The following PLA2G10 variants were observed in gnomAD, a reference collection of about 807,000 sequenced individuals.
PLA2G10 encodes group 10 secretory phospholipase A2.
PLA2G10 carries 9 observed loss-of-function variants against 7.9 expected under a neutral mutation model. The ratio of observed to expected loss-of-function variants is 1.14; its 90% CI spans 0.68 to 1.98. The LOEUF is 1.98. Ranked by LOEUF, PLA2G10 falls within the 30% of genes most tolerant of loss-of-function variation. PLA2G10 has a pLI of 0.00. For synonymous variants in PLA2G10, 19 were observed against 27.5 expected (o/e 0.69, Z 0.97); for missense variants, 53 against 65.4 (o/e 0.81, Z 0.66).
rs569696689 is a variant in PLA2G10, at chr16:14,678,936, C to G, written c.356-6187G>C. Among the ~76,000 whole-genome samples, 5 of 152,172 alleles carry G rather than the reference C, an allele frequency of 3.3e-5. No homozygotes were observed. The South Asian group carries it at 1.0e-3, about 32-fold the overall frequency. ...CTGGGGGACTCTGCTCCAGCCTCAC[C>G]GAACTCCTTGTGATCCTCAGACCAC... is the stretch of plus-strand genomic sequence containing the variant. On this transcript the variant is annotated intron_variant, in intron 3 of 3. Coordinates refer to ENST00000438167, the MANE Select transcript of PLA2G10 (RefSeq NM_003561.3).
intron 3 of PLA2G10, among the ~76,000 whole-genome samples, chr16:14,681,984 A>G (rs1309545664): frequency 1.3e-5 from 2 of 151,974 alleles, no homozygotes; most frequent in Non-Finnish European, 2.9e-5. Flanking sequence ...ACTCTCCCTG[A>G]GCCTCAGTTT....
chr16:14,687,497 T>A (rs1369953072), intron 3 of PLA2G10, among the ~76,000 whole-genome samples: 1 of 151,960 alleles, frequency 6.6e-6, no homozygotes, highest in Non-Finnish European at 1.5e-5. Context: ...GCCTGGCCAA[T>A]GTTAAAAAAA....
Position 14,672,798 on chromosome 16 carries a change from C to G in PLA2G10, c.356-49G>C, listed in dbSNP as rs755445261. 53 of 1,580,228 alleles carry G rather than the reference C, an allele frequency of 3.4e-5. 1 individual carries two copies. The South Asian group carries it at 5.5e-4, about 16-fold the overall frequency. ...ATTAGAGCAGGGACCTGGAGAGACT[C>G]AAGGGAAACCAGTAAAGCAAGAGGC... On this transcript the variant is annotated intron_variant, in intron 3 of 3. Coordinates refer to ENST00000438167, the MANE Select transcript of PLA2G10 (RefSeq NM_003561.3).
chr16:14,682,258 A>C (rs2151852259), intron 3 of PLA2G10, among the ~76,000 whole-genome samples: 1 of 152,278 alleles, frequency 6.6e-6, no homozygotes, highest in Middle Eastern at 3.4e-3. Context: ...TCTAATCCGT[A>C]GTAAGAATAT....
intron 3 of PLA2G10, among the ~76,000 whole-genome samples, chr16:14,683,560 A>G (rs1046637371): frequency 6.6e-6 from 1 of 152,086 alleles, no homozygotes; most frequent in Admixed American, 6.6e-5. Context: ...AGGTAGCAGG[A>G]TGATTCAATG....
At chr16:14,679,387 G>A (rs980379010) in intron 3 of PLA2G10, among the ~76,000 whole-genome samples, 11 of 151,922 alleles carry the variant, frequency 7.2e-5, no homozygotes, top group African/African-American at 1.7e-4. Context: ...TACAGGCCGG[G>A]CGTGGTGCTC....
At chr16:14,680,169 A>G (rs185088221) in intron 3 of PLA2G10, among the ~76,000 whole-genome samples, 158 of 142,322 alleles carry the variant, frequency 1.1e-3, no homozygotes, top group Admixed American at 6.1e-3. Flanking sequence ...CATGATCTCC[A>G]CTCATTGCAA....
chr16:14,683,151 G>A (rs559121662), intron 3 of PLA2G10, among the ~76,000 whole-genome samples: 18 of 152,032 alleles, frequency 1.2e-4, no homozygotes, highest in African/African-American at 4.1e-4. Flanking sequence ...GGAAGCTGGG[G>A]TTAAGAGAAG....
At chr16:14,674,897 C>T (rs535984841) in intron 3 of PLA2G10, among the ~76,000 whole-genome samples, 3 of 152,212 alleles carry the variant, frequency 2.0e-5, no homozygotes, top group East Asian at 1.9e-4. Context: ...CAAGGCCAGG[C>T]GTAGTGGCTC....
intron 3 of PLA2G10, among the ~76,000 whole-genome samples, chr16:14,687,009 G>A (rs755737226): frequency 2.0e-5 from 3 of 151,908 alleles, no homozygotes; most frequent in Admixed American, 2.0e-4. Context: ...TCAGGAGGCT[G>A]AGGCAGGAGA....
In PLA2G10 at chr16:14,672,643, C is replaced by G. The variant is rs757956029; in HGVS notation, c.462G>C (p.Gln154His). The G allele has an allele frequency of 6.2e-7, 1 of 1,614,106 alleles. No homozygotes were observed. The stretch of plus-strand genomic sequence containing the variant: ...TGGGCGAGTCCGGCTCACATAGGAA[C>G]TGGGGGTAGAAGAGGTACTTTAAGT... ...EYNLKYLFYP[Q>H]FLCEPDSPKC... The change falls in exon 4 of 4, where the codon CAG becomes CAC. Residue 154 changes from glutamine (Q) to histidine (H), a missense_variant. Coordinates refer to ENST00000438167, the MANE Select transcript of PLA2G10 (RefSeq NM_003561.3).
chr16:14,672,565 G>C lies in PLA2G10; in HGVS notation c.*42C>G. 1 of 1,599,802 alleles carries C rather than the reference G, an allele frequency of 6.3e-7. No individual in the cohort carries two copies. Among genetic ancestry groups the C allele is most frequent in the Non-Finnish European group, 8.6e-7 (1 of 1,169,208 alleles). On this transcript the variant is annotated 3_prime_UTR_variant, in exon 4 of 4. Transcript: ENST00000438167. ...TGCTGTTGTTCATTACTGAGAGGAC[G>C]CTTTATTTCCTTGTGCAAAAGAGCA...
chr16:14,683,325 C>CT, intron 3 of PLA2G10, among the ~76,000 whole-genome samples: 1 of 151,280 alleles, frequency 6.6e-6, no homozygotes, highest in South Asian at 2.1e-4. Flanking sequence ...CTCCACCTCC[C>CT]AGGTTCAAGC....
intron 3 of PLA2G10, among the ~76,000 whole-genome samples, chr16:14,679,752 G>C (rs1960836158): frequency 6.6e-6 from 1 of 152,122 alleles, no homozygotes; most frequent in South Asian, 2.1e-4. Context: ...TTGAGAGGCT[G>C]AGGCAGGAGA....
intron 3 of PLA2G10, among the ~76,000 whole-genome samples, chr16:14,680,313 T>C (rs958675876): frequency 1.3e-5 from 2 of 152,110 alleles, no homozygotes; most frequent in African/African-American, 4.8e-5. Flanking sequence ...TTGGCGAGAC[T>C]GATCTCGAAC....
chr16:14,678,027 C>A (rs905312072), intron 3 of PLA2G10, among the ~76,000 whole-genome samples: 5 of 152,116 alleles, frequency 3.3e-5, no homozygotes, highest in Non-Finnish European at 5.9e-5. Flanking sequence ...GTCATAGAAC[C>A]AGCCAGTGCA....
At chr16:14,682,835 G>A (rs924388986) in intron 3 of PLA2G10, among the ~76,000 whole-genome samples, 7 of 152,100 alleles carry the variant, frequency 4.6e-5, no homozygotes, top group Non-Finnish European at 1.0e-4. Flanking sequence ...TTGGGAGGCC[G>A]AGGTGGGCAG....
intron 3 of PLA2G10, among the ~76,000 whole-genome samples, chr16:14,685,928 C>T (rs1228676357): frequency 6.6e-6 from 1 of 151,478 alleles, no homozygotes; most frequent in Non-Finnish European, 1.5e-5. Flanking sequence ...CCACCTCAGC[C>T]TCCCAAAGTG....
At chr16:14,678,590 T>A in intron 3 of PLA2G10, 2 of 259,900 alleles carry the variant, frequency 7.7e-6, no homozygotes, top group Non-Finnish European at 1.6e-5. Flanking sequence ...GCCAACATGG[T>A]GAAACTCCAT....
Sources: allele counts gnomAD v4.1 joint callset (sites outside exome capture counted in the v4.1 genomes callset), GRCh38; gene constraint gnomAD v4.1.1; transcripts MANE v1.5; gene names NCBI Gene and HGNC (gene_info 2026-07-23, HGNC 2026-07-21).